The following SDK1 variants were observed in gnomAD, a reference collection of about 807,000 sequenced individuals.
SDK1 encodes protein sidekick-1.
SDK1 carries 157 observed loss-of-function variants against 245.5 expected under a neutral mutation model. The observed-to-expected ratio is 0.64, with a 90% CI of 0.56 to 0.73. The LOEUF (loss-of-function observed/expected upper bound fraction) is 0.73. SDK1 is among the 30% of genes least tolerant of loss of function. The pLI, the probability that SDK1 is intolerant of heterozygous loss-of-function variation, is 0.00. For synonymous variants in SDK1, 1,647 were observed against 1,278.5 expected (o/e 1.29, Z -6.15); for missense variants, 3,583 against 3,002.3 (o/e 1.19, Z -4.52).
At position 4,178,568 on chromosome 7, in the gene SDK1, G is replaced by A. The variant is rs777441615; in HGVS notation, c.5080G>A (p.Val1694Ile). The A allele has an allele frequency of 6.2e-6, 10 of 1,611,812 alleles. No individual in the cohort carries two copies. The highest frequency in any genetic ancestry group is 3.3e-5 in the Admixed American group (2 of 60,004). ...GAGCCCAGCCAGCGCGCCCGTGGAGGTCTTTGTCGGCGAGGCTGGTAAGCT... is the reference window on the plus strand; with the variant it reads ...GAGCCCAGCCAGCGCGCCCGTGGAGATCTTTGTCGGCGAGGCTGGTAAGCT... ...GESPASAPVEVFVGEAAPAMA... is the reference protein window; with the variant it reads ...GESPASAPVEIFVGEAAPAMA... The change falls in exon 35 of 45, where the codon GTC becomes ATC. Residue 1694 changes from valine (V) to isoleucine (I), a missense_variant. Physicochemically the swap from Val to Ile is conservative, Grantham distance 29. Coordinates refer to ENST00000404826, the MANE Select transcript of SDK1 (RefSeq NM_152744.4).
chr7:3,383,981 A>C (rs1339818713), intron 1 of SDK1, among the ~76,000 whole-genome samples: 1 of 152,176 alleles, frequency 6.6e-6, no homozygotes, highest in Non-Finnish European at 1.5e-5. Context: ...ATTTTAAATG[A>C]TTTAGATCAT....
intron 1 of SDK1, among the ~76,000 whole-genome samples, chr7:3,357,517 ATT>A (rs570887224): frequency 7.0e-6 from 1 of 143,500 alleles, no homozygotes; most frequent in Non-Finnish European, 1.5e-5. Context: ...ACCTGGCTTA[ATT>A]TTTTTTTTTG....
At chr7:3,488,954 C>G (rs1036825023) in intron 1 of SDK1, among the ~76,000 whole-genome samples, 2 of 151,756 alleles carry the variant, frequency 1.3e-5, no homozygotes, top group East Asian at 3.9e-4. Flanking sequence ...AGAAGTTTCT[C>G]TTAGATCCAC....
At chr7:4,089,934 T>C (rs1781680610) in intron 22 of SDK1, among the ~76,000 whole-genome samples, 1 of 152,160 alleles carries the variant, frequency 6.6e-6, no homozygotes, top group African/African-American at 2.4e-5. Flanking sequence ...TCTCAGTTAT[T>C]TCTTGACTTC....
At chr7:3,821,706 A>C (rs1779650778) in intron 5 of SDK1, 123 bp downstream of exon 5, 3 of 1,001,666 alleles carry the variant, frequency 3.0e-6, no homozygotes, top group East Asian at 5.4e-5. Flanking sequence ...GTTACGGTTT[A>C]ATATTGATCC....
chr7:3,512,496 A>C (rs1782613655), intron 1 of SDK1, among the ~76,000 whole-genome samples: 1 of 151,794 alleles, frequency 6.6e-6, no homozygotes, highest in South Asian at 2.1e-4. Context: ...AGTGTGGATC[A>C]TATGGTACGG....
intron 17 of SDK1, among the ~76,000 whole-genome samples, chr7:4,018,192 C>T (rs1006451103): frequency 2.0e-5 from 3 of 152,214 alleles, no homozygotes; most frequent in Non-Finnish European, 4.4e-5. Flanking sequence ...TTTATGCCCT[C>T]GCCTGATTCA....
intron 5 of SDK1, among the ~76,000 whole-genome samples, chr7:3,897,295 GCATTTCCAGAA>G (rs1781636627): frequency 6.6e-6 from 1 of 152,136 alleles, no homozygotes; most frequent in African/African-American, 2.4e-5. Context: ...TCACCATCAT[GCATTTCCAGAA>G]CATTTCCAGC....
At chr7:3,926,992 G>A (rs951459477) in intron 5 of SDK1, among the ~76,000 whole-genome samples, 8 of 152,116 alleles carry the variant, frequency 5.3e-5, no homozygotes, top group African/African-American at 1.7e-4. Flanking sequence ...GCTTAACTTG[G>A]GGGCCCGTCA....
At chr7:3,337,508 T>C (rs1293804489) in intron 1 of SDK1, among the ~76,000 whole-genome samples, 1 of 151,986 alleles carries the variant, frequency 6.6e-6, no homozygotes, top group Non-Finnish European at 1.5e-5. Flanking sequence ...TTTCTCAAAT[T>C]TGGTGAAAGA....
intron 5 of SDK1, among the ~76,000 whole-genome samples, chr7:3,938,487 A>G (rs1218012617): frequency 2.0e-5 from 3 of 152,020 alleles, no homozygotes; most frequent in Admixed American, 2.0e-4. Context: ...CTAAAAATAC[A>G]AAAACAAAAT....
rs1248424404 is a variant in SDK1 at position 3,653,556 on chromosome 7, G to T, written c.713+11451G>T. On this transcript the variant is annotated intron_variant, in intron 4 of 44. Coordinates refer to ENST00000404826, the MANE Select transcript of SDK1 (RefSeq NM_152744.4). Reference sequence around the variant, plus strand: ...AGGGTGGCAGGAGAAGCCAGTGGAGGAAGGTAGGGATTCCAGGGCTACAGT... The same window carrying T: ...AGGGTGGCAGGAGAAGCCAGTGGAGTAAGGTAGGGATTCCAGGGCTACAGT... 5.3e-5 allele frequency among the ~76,000 whole-genome samples: 8 copies of T among 152,260 alleles called. No individual in the cohort carries two copies. The East Asian group carries it at 1.5e-3, about 29-fold the overall frequency.
chr7:3,868,858 T>G (rs1780886692), intron 5 of SDK1, among the ~76,000 whole-genome samples: 1 of 152,216 alleles, frequency 6.6e-6, no homozygotes, highest in Non-Finnish European at 1.5e-5. Context: ...TGAGAAACAT[T>G]GACCCTGCTT....
chr7:3,544,109 T>C (rs1779138359), intron 1 of SDK1, among the ~76,000 whole-genome samples: 1 of 152,214 alleles, frequency 6.6e-6, no homozygotes, highest in Non-Finnish European at 1.5e-5. Flanking sequence ...GGAAATGCTT[T>C]AGACTACCTG....
At chr7:3,855,336 A>G (rs994186746) in intron 5 of SDK1, among the ~76,000 whole-genome samples, 21 of 152,056 alleles carry the variant, frequency 1.4e-4, no homozygotes, top group Admixed American at 1.4e-3. Flanking sequence ...ATGCAAGGAA[A>G]TGCTGAATAG....
intron 1 of SDK1, among the ~76,000 whole-genome samples, chr7:3,545,792 A>G (rs1157091724): frequency 1.3e-5 from 2 of 152,244 alleles, no homozygotes. Flanking sequence ...GGTGCTGTCA[A>G]GCGAAAGGGT....
chr7:3,718,167 T>G (rs948483475), intron 4 of SDK1, among the ~76,000 whole-genome samples: 1 of 152,060 alleles, frequency 6.6e-6, no homozygotes, highest in Non-Finnish European at 1.5e-5. Flanking sequence ...GAAGAAACTT[T>G]ATGAGCATAT....
At chr7:3,529,985 C>T (rs541646434) in intron 1 of SDK1, among the ~76,000 whole-genome samples, 10 of 152,140 alleles carry the variant, frequency 6.6e-5, no homozygotes, top group African/African-American at 2.4e-4. Flanking sequence ...TGATAAGTAC[C>T]TTTGTGGATA....
At chr7:4,235,914 C>T (rs1786135816) in intron 41 of SDK1, among the ~76,000 whole-genome samples, 1 of 152,250 alleles carries the variant, frequency 6.6e-6, no homozygotes, top group Non-Finnish European at 1.5e-5. Flanking sequence ...CCTTTCCTAC[C>T]AGGTGCTGGG....
Sources: allele counts gnomAD v4.1 joint callset (sites outside exome capture counted in the v4.1 genomes callset), GRCh38; gene constraint gnomAD v4.1.1; transcripts MANE v1.5; gene names NCBI Gene and HGNC (gene_info 2026-07-23, HGNC 2026-07-21).